The following SH3RF1 variants were observed in gnomAD, a reference collection of about 807,000 sequenced individuals.
The protein encoded by SH3RF1 is E3 ubiquitin-protein ligase SH3RF1.
Under a neutral mutation model 74.0 loss-of-function variants are expected in SH3RF1, and 32 were observed. The ratio of observed to expected loss-of-function variants is 0.43; its 90% CI spans 0.33 to 0.58. The LOEUF (loss-of-function observed/expected upper bound fraction) is 0.58, where lower values mean the gene tolerates loss of function less well. Among genes scored for constraint, SH3RF1 ranks in the 20% least tolerant of loss-of-function variants. The probability of loss-of-function intolerance (pLI) is 0.05; values close to 1 mark genes in which losing one functional copy is unlikely to be tolerated. For synonymous variants in SH3RF1, 396 were observed against 439.6 expected, an observed-to-expected ratio of 0.90 and a Z score of 1.24; for missense variants, 954 against 1,130.9, an observed-to-expected ratio of 0.84 and a Z score of 2.24.
At chr4:169,142,606 A>C (rs1733805407) in intron 4 of SH3RF1, among the ~76,000 whole-genome samples, 1 of 152,232 alleles carries the variant, frequency 6.6e-6, no homozygotes, top group African/African-American at 2.4e-5. Flanking sequence ...TTGTCCTATC[A>C]TCATTTAAAT....
In SH3RF1 at chr4:169,107,157, GT is replaced by G; in HGVS notation, c.2187del (p.Lys729AsnfsTer14). 1 of 1,571,394 alleles carries G rather than the reference GT, an allele frequency of 6.4e-7. No homozygotes were observed. The highest frequency in any genetic ancestry group is 8.6e-7 in the Non-Finnish European group (1 of 1,160,776). ...LLKLLSGAST[K>X]RKPRVSPPAS... The stretch of plus-strand genomic sequence containing the variant: ...GCTGGAGGAGACACGCGGGGCTTCC[GT>G]TTAGTGGAGGCGCCAGAAAGCAACT... On this transcript the variant is annotated frameshift_variant, in exon 11 of 12. Coordinates refer to ENST00000284637, the MANE Select transcript of SH3RF1 (RefSeq NM_020870.4). LOFTEE classifies it high-confidence loss of function.
At chr4:169,128,205 G>A (rs1733557429) in intron 6 of SH3RF1, among the ~76,000 whole-genome samples, 1 of 152,210 alleles carries the variant, frequency 6.6e-6, no homozygotes, top group Admixed American at 6.5e-5. Flanking sequence ...TGTACTGTGA[G>A]TGGGAAGGAA....
intron 2 of SH3RF1, among the ~76,000 whole-genome samples, chr4:169,264,731 C>T (rs749175843): frequency 6.6e-6 from 1 of 152,202 alleles, no homozygotes; most frequent in Non-Finnish European, 1.5e-5. Flanking sequence ...CCTATCTATC[C>T]TACCCATCTG....
At position 169,123,064 on chromosome 4, in the gene SH3RF1, C is replaced by T. The variant is rs948493945; in HGVS notation, c.1180-798G>A. ...ACAGGCACACAAAGACTGCCTGAAC[C>T]GCTACCTCGTCCTCTCCAGATCTTT... On this transcript the variant is annotated intron_variant, in intron 6 of 11. Coordinates refer to ENST00000284637, the MANE Select transcript of SH3RF1 (RefSeq NM_020870.4). 4.9e-4 allele frequency among the ~76,000 whole-genome samples: 75 copies of T among 152,206 alleles called. 1 individual carries two copies. Among genetic ancestry groups the T allele is most frequent in the African/African-American group, 8.9e-4 (37 of 41,516 alleles).
chr4:169,192,920 GAT>G (rs55727951), intron 2 of SH3RF1, among the ~76,000 whole-genome samples: 69,055 of 146,706 alleles, frequency 0.47, 17,331 homozygotes, highest in East Asian at 0.76. Context: ...ATATATATGT[GAT>G]ATATATATAT....
At chr4:169,199,334 A>C (rs910481839) in intron 2 of SH3RF1, among the ~76,000 whole-genome samples, 1 of 152,214 alleles carries the variant, frequency 6.6e-6, no homozygotes, top group African/African-American at 2.4e-5. Flanking sequence ...CATCATTCTC[A>C]TAACAGTCTA....
chr4:169,259,197 C>T (rs1731235962), intron 2 of SH3RF1, among the ~76,000 whole-genome samples: 1 of 151,958 alleles, frequency 6.6e-6, no homozygotes, highest in Non-Finnish European at 1.5e-5. Flanking sequence ...TAATAATTTC[C>T]TTAATCCTTA....
chr4:169,132,164 A>G (rs1278253369), intron 5 of SH3RF1, among the ~76,000 whole-genome samples: 2 of 152,236 alleles, frequency 1.3e-5, no homozygotes, highest in African/African-American at 2.4e-5. Context: ...CTCCACTGGT[A>G]ACAGACATTA....
intron 11 of SH3RF1, among the ~76,000 whole-genome samples, chr4:169,098,352 G>C: frequency 6.6e-6 from 1 of 152,160 alleles, no homozygotes; most frequent in Admixed American, 6.5e-5. Context: ...AAAATATTAT[G>C]GCTTCAAAAT....
At chr4:169,139,385 T>G (rs879268051) in intron 4 of SH3RF1, among the ~76,000 whole-genome samples, 2 of 152,242 alleles carry the variant, frequency 1.3e-5, no homozygotes, top group African/African-American at 4.8e-5. Flanking sequence ...CTAGCTACTT[T>G]TGCTCAACAA....
At chr4:169,104,670 G>A (rs1210961719) in intron 11 of SH3RF1, among the ~76,000 whole-genome samples, 1 of 152,124 alleles carries the variant, frequency 6.6e-6, no homozygotes, top group South Asian at 2.1e-4. Flanking sequence ...GAGAGGCCGA[G>A]GCAGGTGAAT....
chr4:169,151,410 T>A lies in SH3RF1; in HGVS notation c.765+4070A>T, dbSNP rs1352808466. ...TAAGTATCACTGGAACTTATTATTT[T>A]ACAAATGAAGAGCCAGGCCCATAGT... On this transcript the variant is annotated intron_variant, in intron 4 of 11. Transcript: ENST00000284637. Among the ~76,000 whole-genome samples, 3 of 152,248 alleles carry A rather than the reference T, an allele frequency of 2.0e-5. No individual in the cohort carries two copies. The East Asian group carries it at 5.8e-4, about 29-fold the overall frequency.
intron 2 of SH3RF1, among the ~76,000 whole-genome samples, chr4:169,172,306 G>A (rs1276839612): frequency 6.6e-6 from 1 of 152,204 alleles, no homozygotes; most frequent in African/African-American, 2.4e-5. Flanking sequence ...TTACAGAAAG[G>A]AGGACTGTAC....
chr4:169,231,051 T>C (rs1730730381), intron 2 of SH3RF1, among the ~76,000 whole-genome samples: 1 of 152,204 alleles, frequency 6.6e-6, no homozygotes, highest in African/African-American at 2.4e-5. Flanking sequence ...GAAGGCTACT[T>C]ACCTTCCCAG....
intron 4 of SH3RF1, among the ~76,000 whole-genome samples, chr4:169,147,398 T>A (rs1438976426): frequency 1.3e-5 from 2 of 152,230 alleles, no homozygotes; most frequent in African/African-American, 4.8e-5. Context: ...TCCACAGTGA[T>A]GTGTAATCAG....
Position 169,255,796 on chromosome 4 carries a change from C to T in SH3RF1, c.393+13024G>A, listed in dbSNP as rs1022872364. 2.0e-5 allele frequency among the ~76,000 whole-genome samples: 3 copies of T among 151,508 alleles called. No homozygotes were observed. The East Asian group carries it at 5.8e-4, about 29-fold the overall frequency. On this transcript the variant is annotated intron_variant, in intron 2 of 11. Transcript: ENST00000284637. ...TTTTTTTTCTTTTTGAGTCAAGAGTCTCGTTCTGTTGCCCAGGCTAGAGTG... is the reference window on the plus strand; with the variant it reads ...TTTTTTTTCTTTTTGAGTCAAGAGTTTCGTTCTGTTGCCCAGGCTAGAGTG...
At chr4:169,240,237 C>G (rs762646386) in intron 2 of SH3RF1, among the ~76,000 whole-genome samples, 200 of 151,778 alleles carry the variant, frequency 1.3e-3, no homozygotes, top group Non-Finnish European at 2.1e-3. Context: ...CACTCTGGCA[C>G]GCAGGCTGGA....
At chr4:169,218,204 A>C (rs1483668586) in intron 2 of SH3RF1, among the ~76,000 whole-genome samples, 1 of 143,880 alleles carries the variant, frequency 7.0e-6, no homozygotes, top group Non-Finnish European at 1.5e-5. Context: ...TAAATATAAT[A>C]TAATATATAA....
chr4:169,239,531 C>A (rs1418041026), intron 2 of SH3RF1, among the ~76,000 whole-genome samples: 1 of 152,080 alleles, frequency 6.6e-6, no homozygotes. Flanking sequence ...TAACTTTCAT[C>A]CAAGTTAACT....
Sources: allele counts gnomAD v4.1 joint callset (sites outside exome capture counted in the v4.1 genomes callset), GRCh38; gene constraint gnomAD v4.1.1; transcripts MANE v1.5; gene names NCBI Gene and HGNC (gene_info 2026-07-23, HGNC 2026-07-21).